Variants in LMNB2 observed in about 807,000 individuals in gnomAD.
The protein encoded by LMNB2 is lamin-B2.
In LMNB2, 17 loss-of-function variants were observed where a neutral mutation model predicts 69.3. That is an observed-to-expected ratio of 0.25 (90% CI 0.17 to 0.37). The LOEUF (loss-of-function observed/expected upper bound fraction) is 0.37, where lower values mean the gene tolerates loss of function less well. Ranked by LOEUF, LMNB2 falls within the 10% of genes least tolerant of loss-of-function variation. The pLI, the probability that LMNB2 is intolerant of heterozygous loss-of-function variation, is 1.00. For missense variants in LMNB2, 789 were observed against 883.6 expected (o/e 0.89, Z 1.36); for synonymous variants, 397 against 389.3 (o/e 1.02, Z -0.23).
rs1462710941 is a variant in LMNB2 at position 2,438,265 on chromosome 19, G to A, written c.582C>T (p.Ala194=). ...GCGTCTCCTTCTCCAGCTGCTTTTT[G>A]GCCACTGCATGACCGTCCTCGGCCT... The part of the protein sequence containing the change: ...LAKAEDGHAV[A]KKQLEKETLM... The change falls in exon 4 of 12, where the codon GCC becomes GCT. Residue 194 remains alanine (A), a synonymous_variant. Transcript: ENST00000325327. 5 of 1,614,000 alleles carry A rather than the reference G, an allele frequency of 3.1e-6. No homozygotes were observed. In the South Asian group the frequency reaches 5.5e-5, roughly 18 times the overall value.
rs909243330 is a variant in LMNB2 at position 2,443,855 on chromosome 19, T to G, written c.401+549A>C. On this transcript the variant is annotated intron_variant, in intron 2 of 11. Coordinates refer to ENST00000325327, the MANE Select transcript of LMNB2 (RefSeq NM_032737.4). This position sits in a 1 kb window ranked among gnomAD's most constrained non-coding sequence, Gnocchi z 6.2. The stretch of plus-strand genomic sequence containing the variant: ...CTCACTGCCAGGCTGAGAGGGGAGA[T>G]CGTTTCTGCCGATGGACACAGTTGT... Among the ~76,000 whole-genome samples the G allele has an allele frequency of 6.6e-6, 1 of 151,822 alleles. No individual in the cohort carries two copies. The highest frequency in any genetic ancestry group is 1.9e-4 in the East Asian group (1 of 5,152).
chr19:2,446,177 A>T (rs1400030289), intron 1 of LMNB2, among the ~76,000 whole-genome samples: 1 of 111,042 alleles, frequency 9.0e-6, no homozygotes, highest in East Asian at 2.7e-4. Flanking sequence ...CCCCTCGATC[A>T]CAGGGATCTG....
At chr19:2,449,298 C>G (rs936823458) in intron 1 of LMNB2, among the ~76,000 whole-genome samples, 4 of 152,210 alleles carry the variant, frequency 2.6e-5, no homozygotes, top group African/African-American at 9.7e-5. Context: ...TAGGAGGCCA[C>G]GCCCAAGCCT....
chr19:2,432,667 A>T, intron 8 of LMNB2, 144 bp from the exon 9 acceptor site: 1 of 719,246 alleles, frequency 1.4e-6, no homozygotes, highest in Non-Finnish European at 2.5e-6. Context: ...TGGTCATTCC[A>T]GTCACCTTGT....
At chr19:2,431,166 A>G (rs1971734379) in intron 11 of LMNB2, among the ~76,000 whole-genome samples, 1 of 152,148 alleles carries the variant, frequency 6.6e-6, no homozygotes, top group African/African-American at 2.4e-5. Flanking sequence ...GGAACTTGCG[A>G]CGCACGCGTT....
At position 2,434,797 on chromosome 19, in the gene LMNB2, G is replaced by T; in HGVS notation, c.972C>A (p.Leu324=). 1 of 1,606,978 alleles carries T rather than the reference G, an allele frequency of 6.2e-7. No individual in the cohort carries two copies. Among genetic ancestry groups the T allele is most frequent in the Non-Finnish European group, 8.5e-7 (1 of 1,177,984 alleles). ...GCGCTGTGCTCATCACCTGCTTCTG[G>T]AGGCCGGAGAGCTGGTAGCTGAGGG... ...LESLSYQLSG[L]QKQASAAEDR... Residue 324 remains leucine, a synonymous_variant, in exon 6 of 12, where the codon CTC becomes CTA. Coordinates refer to ENST00000325327, the MANE Select transcript of LMNB2 (RefSeq NM_032737.4).
chr19:2,432,558 C>T (rs763847302), intron 8 of LMNB2, 35 bp from the exon 9 acceptor site: 1 of 1,551,604 alleles, frequency 6.4e-7, no homozygotes, highest in Non-Finnish European at 8.9e-7. Flanking sequence ...CCCTCAGCCA[C>T]CAGGACTGTG....
intron 1 of LMNB2, among the ~76,000 whole-genome samples, chr19:2,449,270 C>T (rs935020846): frequency 4.6e-5 from 7 of 152,148 alleles, no homozygotes; most frequent in Non-Finnish European, 7.4e-5. Flanking sequence ...GAGGAGCGGG[C>T]GGTGTGGGTC....
In LMNB2 at chr19:2,441,786, G is replaced by A. The variant is rs116149431; in HGVS notation, c.401+2618C>T. Among the ~76,000 whole-genome samples, 199 of 152,348 alleles carry A rather than the reference G, an allele frequency of 1.3e-3. 1 individual carries two copies. The highest frequency in any genetic ancestry group is 4.4e-3 in the African/African-American group (181 of 41,584). ...CAACCCTGGGGGCAGAGACCTGAAG[G>A]AGCAGTGCTGGAGGAGCCAGGGCCA... On this transcript the variant is annotated intron_variant, in intron 2 of 11. Transcript: ENST00000325327.
At chr19:2,432,091 G>C (rs1290749997) in intron 9 of LMNB2, among the ~76,000 whole-genome samples, 189 bp from the exon 10 acceptor site, 1 of 152,120 alleles carries the variant, frequency 6.6e-6, no homozygotes, top group South Asian at 2.1e-4. Context: ...CAGAGGCCAA[G>C]GGCTCTTGGC....
rs778321202 is a variant in LMNB2, at chr19:2,437,460, GC to G, written c.684+702del. Among the ~76,000 whole-genome samples, 167 of 152,356 alleles carry G rather than the reference GC, an allele frequency of 1.1e-3. 2 individuals are homozygous for G. Among genetic ancestry groups the G allele is most frequent in the Non-Finnish European group, 5.4e-4 (37 of 68,044 alleles). On this transcript the variant is annotated intron_variant, in intron 4 of 11. Coordinates refer to ENST00000325327, the MANE Select transcript of LMNB2 (RefSeq NM_032737.4). ...TCAGCTCTCAGGGTGGGAACACCAA[GC>G]TTTTAGAAAGGCAAGAAATCAAAAT...
intron 4 of LMNB2, among the ~76,000 whole-genome samples, chr19:2,435,435 G>C (rs1368178116): frequency 6.6e-6 from 1 of 152,172 alleles, no homozygotes; most frequent in African/African-American, 2.4e-5. Context: ...AATGAGAGAC[G>C]CCAGACACAA....
In LMNB2 at chr19:2,432,905, C is replaced by T. The variant is rs546012274; in HGVS notation, c.1483-382G>A. On this transcript the variant is annotated intron_variant, in intron 8 of 11. Coordinates refer to ENST00000325327, the MANE Select transcript of LMNB2 (RefSeq NM_032737.4). ...ACCTTGTCCCCTGCCTCGCATTGGC[C>T]GGCGGCCCCGTCACCCTGACCCTGG... Among the ~76,000 whole-genome samples, 9 of 78,546 alleles carry T rather than the reference C, an allele frequency of 1.1e-4. 1 individual carries two copies. Among genetic ancestry groups the T allele is most frequent in the Admixed American group, 7.7e-4 (7 of 9,080 alleles). 51.5% of individuals were successfully genotyped at this position (78,546 alleles called of 152,430 possible).
At position 2,447,127 on chromosome 19, in the gene LMNB2, G is replaced by C. The variant is rs1971965376; in HGVS notation, c.265-2587C>G. On this transcript the variant is annotated intron_variant, in intron 1 of 11. Transcript: ENST00000325327. This position sits in a 1 kb window ranked among gnomAD's most constrained non-coding sequence, Gnocchi z 4.4. Reference sequence around the variant, plus strand: ...CCACTGCCCTCCAGCCTGGGAGACAGAGCGAGACTCAGTTTCAAAATAAAT... The same window carrying C: ...CCACTGCCCTCCAGCCTGGGAGACACAGCGAGACTCAGTTTCAAAATAAAT... 6.6e-6 allele frequency among the ~76,000 whole-genome samples: 1 copy of C among 151,974 alleles called. No individual in the cohort carries two copies. The highest frequency in any genetic ancestry group is 2.4e-5 in the African/African-American group (1 of 41,324).
At chr19:2,446,733 C>T (rs1355652333) in intron 1 of LMNB2, among the ~76,000 whole-genome samples, 2 of 152,176 alleles carry the variant, frequency 1.3e-5, no homozygotes, top group African/African-American at 4.8e-5. Context: ...GACAGCTCTA[C>T]AGAAAACAGT....
chr19:2,446,328 G>A (rs1971955332), intron 1 of LMNB2, among the ~76,000 whole-genome samples: 1 of 151,746 alleles, frequency 6.6e-6, no homozygotes. Context: ...AACACCCTCT[G>A]GGCCGCCCAG....
chr19:2,439,891 C>G (rs10422266), intron 2 of LMNB2, among the ~76,000 whole-genome samples: 152,214 of 152,220 alleles, frequency 1, 76,104 homozygotes, highest in Non-Finnish European at 1. Flanking sequence ...GCGCCACCAG[C>G]GTCCGCTAAT....
At chr19:2,432,805 AG>A (rs1426890859) in intron 8 of LMNB2, among the ~76,000 whole-genome samples, 4 of 86,248 alleles carry the variant, frequency 4.6e-5, no homozygotes, top group African/African-American at 1.3e-4. Context: ...ATTGGCCGGC[AG>A]CCCCGTCACC....
intron 1 of LMNB2, among the ~76,000 whole-genome samples, chr19:2,452,192 T>A (rs1473159228): frequency 6.6e-6 from 1 of 151,608 alleles, no homozygotes; most frequent in African/African-American, 2.4e-5. Context: ...AGACACCCCC[T>A]AGTGTCACAT....
Sources: allele counts gnomAD v4.1 joint callset (sites outside exome capture counted in the v4.1 genomes callset), GRCh38; gene constraint gnomAD v4.1.1; non-coding constraint Gnocchi (gnomAD v3.1); transcripts MANE v1.5; gene names NCBI Gene and HGNC (gene_info 2026-07-23, HGNC 2026-07-21).